ST8SIA5: variants seen among roughly 807,000 people sequenced by gnomAD.
ST8SIA5 encodes alpha-2,8-sialyltransferase 8E.
ST8SIA5 carries 24 observed loss-of-function variants against 40.2 expected under a neutral mutation model. The ratio of observed to expected loss-of-function variants is 0.60; its 90% CI spans 0.43 to 0.84. ST8SIA5 has a LOEUF of 0.84. Among genes scored for constraint, ST8SIA5 ranks in the 40% least tolerant of loss-of-function variants. ST8SIA5 has a pLI of 0.00. For synonymous variants in ST8SIA5, 198 were observed against 201.8 expected, an observed-to-expected ratio of 0.98 and a Z score of 0.16; for missense variants, 465 against 498.5, an observed-to-expected ratio of 0.93 and a Z score of 0.64.
chr18:46,732,034 G>A (rs4890691), intron 1 of ST8SIA5, among the ~76,000 whole-genome samples: 64,895 of 152,020 alleles, frequency 0.43, 14,306 homozygotes, highest in East Asian at 0.74. Flanking sequence ...CAGGCCTCGG[G>A]TTGCCACTTT....
chr18:46,687,635 G>A (rs1052213982), intron 4 of ST8SIA5, among the ~76,000 whole-genome samples: 1 of 152,022 alleles, frequency 6.6e-6, no homozygotes, highest in Non-Finnish European at 1.5e-5. Flanking sequence ...ATTTGACGCC[G>A]CTCACCTGCA....
rs2039313259 is a variant in ST8SIA5, at chr18:46,672,267, A to G, written c.*7775T>C. On this transcript the variant is annotated 3_prime_UTR_variant, in exon 7 of 7. Coordinates refer to ENST00000315087, the MANE Select transcript of ST8SIA5 (RefSeq NM_013305.6). ...TGCCTGCCTTAGGGTAATGACTCCC[A>G]ACCATGTGAGACAGAACCACTTAAT... 3 of 152,192 alleles carry G rather than the reference A, an allele frequency of 2.0e-5. No homozygotes were observed. The highest frequency in any genetic ancestry group is 1.3e-4 in the Admixed American group (2 of 15,274). 9.4% of individuals were successfully genotyped at this position (152,192 alleles called of 1,614,324 possible).
intron 2 of ST8SIA5, 34 bp downstream of exon 2, chr18:46,704,538 G>T: frequency 1.1e-4 from 156 of 1,449,742 alleles, no homozygotes; most frequent in Non-Finnish European, 1.3e-4. Context: ...ACCTCCACAT[G>T]CTCCCTGCAC....
intron 2 of ST8SIA5, among the ~76,000 whole-genome samples, chr18:46,692,915 C>T (rs1031897909): frequency 2.3e-5 from 3 of 131,656 alleles, no homozygotes; most frequent in African/African-American, 8.5e-5. Context: ...CAAACAGAGG[C>T]AGTCCCTATG....
At chr18:46,741,970 C>T (rs929315888) in intron 1 of ST8SIA5, among the ~76,000 whole-genome samples, 4 of 151,816 alleles carry the variant, frequency 2.6e-5, no homozygotes, top group East Asian at 1.9e-4. Context: ...GGCATGGTGG[C>T]GCATGCCTGT....
At position 46,672,272 on chromosome 18, in the gene ST8SIA5, T is replaced by C. The variant is rs1243050933; in HGVS notation, c.*7770A>G. On this transcript the variant is annotated 3_prime_UTR_variant, in exon 7 of 7. Transcript: ENST00000315087. ...GCCTTAGGGTAATGACTCCCAACCATGTGAGACAGAACCACTTAATGAGAT... is the reference window on the plus strand; with the variant it reads ...GCCTTAGGGTAATGACTCCCAACCACGTGAGACAGAACCACTTAATGAGAT... The C allele has an allele frequency of 6.6e-5, 10 of 152,288 alleles. No homozygotes were observed. In the East Asian group the frequency reaches 9.6e-4, roughly 15 times the overall value. 9.4% of individuals were successfully genotyped at this position (152,288 alleles called of 1,614,324 possible). A position where few individuals can be genotyped will look rare whatever the true frequency, so the allele number is the denominator to read the frequency against.
At chr18:46,704,176 T>C (rs2039645980) in intron 2 of ST8SIA5, among the ~76,000 whole-genome samples, 1 of 152,094 alleles carries the variant, frequency 6.6e-6, no homozygotes, top group Non-Finnish European at 1.5e-5. Flanking sequence ...ATTAAAACCA[T>C]CAAAGGTGAT....
chr18:46,736,792 C>A (rs1452547702), intron 1 of ST8SIA5, among the ~76,000 whole-genome samples: 5 of 152,202 alleles, frequency 3.3e-5, no homozygotes, highest in East Asian at 1.9e-4. Flanking sequence ...GCATTTTATT[C>A]TCCCAGGACA....
chr18:46,744,087 C>T (rs1183774174), intron 1 of ST8SIA5, among the ~76,000 whole-genome samples: 1 of 152,172 alleles, frequency 6.6e-6, no homozygotes, highest in Non-Finnish European at 1.5e-5. Context: ...AAAGGAACAA[C>T]CGGTACCAGC....
At chr18:46,689,635 G>T (rs1270720378) in intron 3 of ST8SIA5, among the ~76,000 whole-genome samples, 1 of 148,868 alleles carries the variant, frequency 6.7e-6, no homozygotes, top group Non-Finnish European at 1.5e-5. Context: ...GTTCAATGGT[G>T]CGATCTCGGC....
At chr18:46,746,535 G>C (rs1382341680) in intron 1 of ST8SIA5, among the ~76,000 whole-genome samples, 1 of 152,140 alleles carries the variant, frequency 6.6e-6, no homozygotes, top group African/African-American at 2.4e-5. Flanking sequence ...TCTTCAAGGA[G>C]AACTACAAAC....
At chr18:46,737,526 C>G (rs1383876487) in intron 1 of ST8SIA5, among the ~76,000 whole-genome samples, 1 of 152,160 alleles carries the variant, frequency 6.6e-6, no homozygotes, top group African/African-American at 2.4e-5. Context: ...TGAATCCATC[C>G]ATTCAACAAT....
chr18:46,700,324 AT>A (rs1214956136), intron 2 of ST8SIA5, among the ~76,000 whole-genome samples: 2 of 152,212 alleles, frequency 1.3e-5, no homozygotes, highest in Non-Finnish European at 2.9e-5. Context: ...ACCAGCTGAC[AT>A]TCTGCAGGCC....
chr18:46,686,366 C>T (rs1308314818), intron 4 of ST8SIA5, 80 bp from the exon 5 acceptor site: 2 of 1,154,940 alleles, frequency 1.7e-6, no homozygotes, highest in East Asian at 4.9e-5. Flanking sequence ...GCAAGCACAC[C>T]CACCTATATT....
At chr18:46,682,149 G>T (rs72915489) in intron 5 of ST8SIA5, 85 bp from the exon 6 acceptor site, 2 of 1,038,034 alleles carry the variant, frequency 1.9e-6, no homozygotes, top group South Asian at 3.3e-5. Context: ...GAGGGATGGT[G>T]ATCATGTGGG....
At chr18:46,712,530 C>G (rs536302018) in intron 1 of ST8SIA5, among the ~76,000 whole-genome samples, 1 of 152,326 alleles carries the variant, frequency 6.6e-6, no homozygotes, top group South Asian at 2.1e-4. Flanking sequence ...CTTCCACTGG[C>G]TCCCTTCGTG....
At position 46,673,674 on chromosome 18, in the gene ST8SIA5, A is replaced by G. The variant is rs949982407; in HGVS notation, c.*6368T>C. 3 of 151,942 alleles carry G rather than the reference A, an allele frequency of 2.0e-5. No homozygotes were observed. Among genetic ancestry groups the G allele is most frequent in the Admixed American group, 6.6e-5 (1 of 15,266 alleles). 9.4% of individuals were successfully genotyped at this position (151,942 alleles called of 1,614,324 possible). The stretch of plus-strand genomic sequence containing the variant: ...TCTTCAAAGGGTAGACTGTAGATCT[A>G]TACTGTAGATCTATACTGTAGGTCT... On this transcript the variant is annotated 3_prime_UTR_variant, in exon 7 of 7. Coordinates refer to ENST00000315087, the MANE Select transcript of ST8SIA5 (RefSeq NM_013305.6).
chr18:46,742,370 A>T (rs1174915754), intron 1 of ST8SIA5, among the ~76,000 whole-genome samples: 1 of 151,956 alleles, frequency 6.6e-6, no homozygotes, highest in Non-Finnish European at 1.5e-5. Flanking sequence ...AATTTTTGTG[A>T]TGTTGGATTA....
chr18:46,708,167 G>C (rs745491651), intron 1 of ST8SIA5, among the ~76,000 whole-genome samples: 1 of 152,198 alleles, frequency 6.6e-6, no homozygotes, highest in African/African-American at 2.4e-5. Context: ...AAGAGCACGT[G>C]ATACCAGTGG....
Sources: allele counts gnomAD v4.1 joint callset (sites outside exome capture counted in the v4.1 genomes callset), GRCh38; gene constraint gnomAD v4.1.1; transcripts MANE v1.5; gene names NCBI Gene and HGNC (gene_info 2026-07-23, HGNC 2026-07-21).